Variants in PCDH11X observed in about 807,000 individuals in gnomAD.
The protein encoded by PCDH11X is protocadherin-11 X-linked.
Under a neutral mutation model 53.3 loss-of-function variants are expected in PCDH11X, and 18 were observed. The ratio of observed to expected loss-of-function variants is 0.34; its 90% confidence interval spans 0.23 to 0.50. The LOEUF (loss-of-function observed/expected upper bound fraction) is 0.50. Ranked by LOEUF, PCDH11X falls within the 20% of genes least tolerant of loss-of-function variation. The pLI is 0.98. For synonymous variants in PCDH11X, 279 were observed against 393.3 expected (o/e 0.71, Z 3.44); for missense variants, 570 against 1,032.4 (o/e 0.55, Z 6.14).
intron 6 of PCDH11X, among the ~76,000 whole-genome samples, chrX:91,984,938 A>G (rs979748774): frequency 4.5e-5 from 5 of 111,461 alleles, no homozygotes; most frequent in Admixed American, 1.9e-4. Flanking sequence ...CTTGCAATTG[A>G]ATCACAGGCC....
intron 6 of PCDH11X, among the ~76,000 whole-genome samples, chrX:91,921,595 T>C (rs1941740191): frequency 9.3e-6 from 1 of 106,969 alleles, no homozygotes; most frequent in African/African-American, 3.4e-5. Flanking sequence ...TTATTGTACT[T>C]AGTAATACAG....
chrX:91,826,593 T>TTC (rs2147600226), intron 4 of PCDH11X, among the ~76,000 whole-genome samples: 1 of 71,650 alleles, frequency 1.4e-5, no homozygotes, highest in African/African-American at 5.6e-5. Flanking sequence ...AATTTTTTTT[T>TTC]TCTGCTCTTC....
chrX:91,796,555 T>C (rs942032898), intron 1 of PCDH11X, among the ~76,000 whole-genome samples: 23 of 111,115 alleles, frequency 2.1e-4, no homozygotes, highest in Non-Finnish European at 4.2e-4. Context: ...GCAGAAAAAT[T>C]GTCAATATCA....
At position 91,988,816 on chromosome X, in the gene PCDH11X, T is replaced by G. The variant is rs191066263; in HGVS notation, c.3033+109543T>G. On this transcript the variant is annotated intron_variant, in intron 6 of 10. Coordinates refer to ENST00000682573, the MANE Select transcript of PCDH11X (RefSeq NM_032968.5). ...AGATCCGGAACTCAATACAATCGCT[T>G]AGGGTTCTTCCAAAGAGAATGATTA... is the stretch of plus-strand genomic sequence containing the variant. Among the ~76,000 whole-genome samples, 5 of 111,613 alleles carry G rather than the reference T, an allele frequency of 4.5e-5. No individual in the cohort carries two copies. In the East Asian group the frequency reaches 1.4e-3, roughly 32 times the overall value.
chrX:92,269,116 G>A (rs2067897156), intron 8 of PCDH11X, among the ~76,000 whole-genome samples: 1 of 111,320 alleles, frequency 9.0e-6, no homozygotes, highest in African/African-American at 3.3e-5. Context: ...ATCCTGTCTG[G>A]TTAACTTGAG....
chrX:92,225,203 T>G (rs2066947961), intron 7 of PCDH11X, among the ~76,000 whole-genome samples: 1 of 111,240 alleles, frequency 9.0e-6, no homozygotes, highest in Admixed American at 9.7e-5. Context: ...CAAAACATAT[T>G]TTGCTCTAAA....
chrX:91,907,874 A>G (rs1326388271), intron 6 of PCDH11X, among the ~76,000 whole-genome samples: 3 of 111,638 alleles, frequency 2.7e-5, no homozygotes, highest in Non-Finnish European at 5.6e-5. Flanking sequence ...ATTAGTGAGA[A>G]CATGCAGTGT....
At chrX:92,445,543 G>T (rs2072623212) in intron 9 of PCDH11X, among the ~76,000 whole-genome samples, 1 of 108,393 alleles carries the variant, frequency 9.2e-6, no homozygotes, top group South Asian at 3.9e-4. Flanking sequence ...AAAACTAAAA[G>T]AATAGTTTTT....
intron 7 of PCDH11X, among the ~76,000 whole-genome samples, chrX:92,232,866 C>T (rs1603218359): frequency 9.0e-6 from 1 of 111,506 alleles, no homozygotes; most frequent in South Asian, 3.8e-4. Flanking sequence ...TAGGCGCCCG[C>T]CACCACGCCC....
chrX:92,277,711 G>A (rs385514), intron 8 of PCDH11X, among the ~76,000 whole-genome samples: 6 of 109,708 alleles, frequency 5.5e-5, no homozygotes, highest in Middle Eastern at 9.3e-3. Flanking sequence ...ATAAGGGGTC[G>A]GGGCATGGAA....
At chrX:92,311,371 C>CT (rs1244715429) in intron 8 of PCDH11X, among the ~76,000 whole-genome samples, 1 of 109,389 alleles carries the variant, frequency 9.1e-6, no homozygotes, top group African/African-American at 3.3e-5. Flanking sequence ...TATTTCTTCT[C>CT]TTTTTTATGA....
chrX:91,813,864 CTT>C lies in PCDH11X; in HGVS notation c.-45+2571_-45+2572del, dbSNP rs530226797. 8.5e-4 allele frequency among the ~76,000 whole-genome samples: 92 copies of C among 108,556 alleles called. No homozygotes were observed. In the South Asian group the frequency reaches 0.037, roughly 44 times the overall value. 94.3% of individuals were successfully genotyped at this position (108,556 alleles called of 115,157 possible). On this transcript the variant is annotated intron_variant, in intron 4 of 10. Coordinates refer to ENST00000682573, the MANE Select transcript of PCDH11X (RefSeq NM_032968.5). ...GAAGCAGTTCTTACGTGAAATCTCTCTTTAACAGTTCCTCTTGAAAATTAGCA... is the reference window on the plus strand; with the variant it reads ...GAAGCAGTTCTTACGTGAAATCTCTCTAACAGTTCCTCTTGAAAATTAGCA...
intron 6 of PCDH11X, among the ~76,000 whole-genome samples, chrX:92,181,749 G>A (rs756181392): frequency 1.8e-5 from 2 of 112,656 alleles, no homozygotes; most frequent in East Asian, 2.8e-4. Context: ...CTTCCACATG[G>A]TGTTGAACCT....
At chrX:91,916,632 A>C (rs1295227358) in intron 6 of PCDH11X, among the ~76,000 whole-genome samples, 4 of 110,163 alleles carry the variant, frequency 3.6e-5, no homozygotes, top group African/African-American at 1.3e-4. Flanking sequence ...AAGAAATAGA[A>C]ACTCTGGACA....
intron 6 of PCDH11X, among the ~76,000 whole-genome samples, chrX:91,962,030 G>A (rs1338657180): frequency 4.7e-5 from 5 of 107,074 alleles, no homozygotes; most frequent in Non-Finnish European, 9.6e-5. Flanking sequence ...GATTATGGGA[G>A]CTACAGTTCA....
At chrX:92,068,984 TAGTTCCATTTG>T (rs2063658088) in intron 6 of PCDH11X, among the ~76,000 whole-genome samples, 1 of 110,974 alleles carries the variant, frequency 9.0e-6, no homozygotes, top group African/African-American at 3.3e-5. Context: ...CTGTAAATAT[TAGTTCCATTTG>T]TTCTACTATG....
intron 9 of PCDH11X, among the ~76,000 whole-genome samples, chrX:92,390,531 C>T (rs1327002382): frequency 9.1e-6 from 1 of 109,467 alleles, no homozygotes; most frequent in Admixed American, 9.9e-5. Flanking sequence ...TGAAATAGCA[C>T]CCAATAATGG....
intron 9 of PCDH11X, among the ~76,000 whole-genome samples, chrX:92,456,575 G>T (rs1444678246): frequency 9.0e-6 from 1 of 111,106 alleles, no homozygotes; most frequent in Non-Finnish European, 1.9e-5. Context: ...CCTTAAATCT[G>T]TATCTTCTAA....
intron 10 of PCDH11X, among the ~76,000 whole-genome samples, chrX:92,497,976 T>A (rs2148691809): frequency 8.9e-6 from 1 of 112,122 alleles, no homozygotes; most frequent in African/African-American, 3.2e-5. Context: ...ACAAAATGCC[T>A]GCTTAATTTG....
Sources: allele counts gnomAD v4.1 joint callset (sites outside exome capture counted in the v4.1 genomes callset), GRCh38; gene constraint gnomAD v4.1.1; transcripts MANE v1.5; gene names NCBI Gene and HGNC (gene_info 2026-07-23, HGNC 2026-07-21).